The following PKD1L3 variants were observed in gnomAD, a reference collection of about 807,000 sequenced individuals.
PKD1L3 encodes polycystin-1-like protein 3.
A neutral mutation model predicts 184.1 loss-of-function variants in PKD1L3; 239 were observed. That is an observed-to-expected ratio of 1.30 (90% CI 1.17 to 1.45). The LOEUF (loss-of-function observed/expected upper bound fraction) is 1.45, where lower values mean the gene tolerates loss of function less well. Ranked by LOEUF, PKD1L3 falls within the 40% of genes most tolerant of loss-of-function variation. PKD1L3 has a pLI of 0.00. For synonymous variants in PKD1L3, 996 were observed against 778.8 expected (o/e 1.28, Z -4.64); for missense variants, 2,660 against 2,067.2 (o/e 1.29, Z -5.56).
chr16:71,992,201 C>T (rs974558046), intron 3 of PKD1L3, among the ~76,000 whole-genome samples: 1 of 152,104 alleles, frequency 6.6e-6, no homozygotes, highest in South Asian at 2.1e-4. Context: ...AAGGACCCTA[C>T]GTACATAAAT....
chr16:71,953,478 GGCATTACAAA>G (rs1276374972), intron 17 of PKD1L3, among the ~76,000 whole-genome samples: 12 of 150,234 alleles, frequency 8.0e-5, no homozygotes, highest in Non-Finnish European at 2.9e-5. Flanking sequence ...AACCTTACAT[GGCATTACAAA>G]GCATTACAAA....
chr16:71,939,619 C>A (rs1015657959), intron 24 of PKD1L3, among the ~76,000 whole-genome samples: 2 of 152,068 alleles, frequency 1.3e-5, no homozygotes, highest in Admixed American at 6.6e-5. Flanking sequence ...CCATGAAGAC[C>A]CTTAGGAAGC....
chr16:71,999,580 T>C (rs925559166), intron 1 of PKD1L3, 104 bp downstream of exon 1: 1 of 1,159,788 alleles, frequency 8.6e-7, no homozygotes, highest in African/African-American at 1.6e-5. Flanking sequence ...TGACTGGTTT[T>C]TCTGTCTACA....
At chr16:71,992,381 G>A (rs2040621726) in intron 3 of PKD1L3, among the ~76,000 whole-genome samples, 1 of 152,146 alleles carries the variant, frequency 6.6e-6, no homozygotes, top group Non-Finnish European at 1.5e-5. Flanking sequence ...GTTTTACTAT[G>A]ACACTTAAAG....
At chr16:71,945,305 TACACACAC>T (rs377392088) in intron 22 of PKD1L3, among the ~76,000 whole-genome samples, 3 of 59,406 alleles carry the variant, frequency 5.0e-5, no homozygotes, top group South Asian at 6.7e-4. Context: ...TATATATATA[TACACACAC>T]ACACACACAT....
At chr16:71,954,995 G>A (rs1287953584) in intron 16 of PKD1L3, among the ~76,000 whole-genome samples, 2 of 151,912 alleles carry the variant, frequency 1.3e-5, no homozygotes, top group African/African-American at 4.8e-5. Flanking sequence ...GGATACTTGA[G>A]AACAAAAAAA....
At chr16:71,999,250 G>A (rs1319667233) in intron 1 of PKD1L3, among the ~76,000 whole-genome samples, 15 of 142,136 alleles carry the variant, frequency 1.1e-4, no homozygotes, top group African/African-American at 1.8e-4. Context: ...CAGCCTGGGC[G>A]ACAGAGCGAG....
chr16:71,947,550 C>G lies in PKD1L3; in HGVS notation c.3660G>C (p.Arg1220Ser). 6.5e-7 allele frequency: 1 copy of G among 1,548,108 alleles called. No individual in the cohort carries two copies. The highest frequency in any genetic ancestry group is 8.7e-7 in the Non-Finnish European group (1 of 1,143,926). ...CATTCTCTTTGTTAAGCCGTGGCAT[C>G]CTGCTCATCATCAGTGAGTATAAGA... ...FTFLYSLMMS[R>S]MPRLNKENEQ... Residue 1220 changes from arginine (R) to serine (S), a missense_variant, in exon 22 of 30, where the codon AGG (arginine) becomes AGC (serine). Transcript: ENST00000620267.
chr16:71,934,695 G>GAGCCCCACAGA (rs572725673), intron 26 of PKD1L3, among the ~76,000 whole-genome samples: 266 of 152,288 alleles, frequency 1.7e-3, no homozygotes, highest in African/African-American at 6.0e-3. Context: ...TACTTGGAAG[G>GAGCCCCACAGA]AGCCCCACAG....
chr16:71,969,440 G>A (rs2039626159), intron 13 of PKD1L3, among the ~76,000 whole-genome samples: 1 of 150,060 alleles, frequency 6.7e-6, no homozygotes, highest in African/African-American at 2.5e-5. Flanking sequence ...CAAGTAGCTG[G>A]GACTACAAGC....
chr16:71,933,708 A>G (rs1006671154), intron 27 of PKD1L3, among the ~76,000 whole-genome samples, 187 bp from the exon 28 acceptor site: 3 of 152,190 alleles, frequency 2.0e-5, no homozygotes, highest in Admixed American at 2.0e-4. Flanking sequence ...TTTGACCTTT[A>G]TATTACCGTG....
At chr16:71,959,739 A>G (rs4788585) in intron 16 of PKD1L3, among the ~76,000 whole-genome samples, 118,645 of 152,118 alleles carry the variant, frequency 0.78, 46,517 homozygotes, top group East Asian at 0.97. Context: ...AAGAGGAAGA[A>G]GAGGAACAGA....
chr16:71,930,283 G>C, intron 28 of PKD1L3, 100 bp from the exon 29 acceptor site: 1 of 1,258,974 alleles, frequency 7.9e-7, no homozygotes, highest in South Asian at 2.4e-5. Context: ...CAGAAGAAAA[G>C]CTTATCCGAA....
At chr16:71,998,643 G>T (rs1020502870) in intron 1 of PKD1L3, among the ~76,000 whole-genome samples, 2 of 152,024 alleles carry the variant, frequency 1.3e-5, no homozygotes, top group Non-Finnish European at 2.9e-5. Context: ...TAGAGATGGG[G>T]TTTCACCATG....
At chr16:71,988,382 A>G (rs2040457052) in intron 4 of PKD1L3, among the ~76,000 whole-genome samples, 1 of 152,206 alleles carries the variant, frequency 6.6e-6, no homozygotes, top group South Asian at 2.1e-4. Flanking sequence ...TTTAGTAGAG[A>G]TGGGGTTTCG....
At position 71,937,352 on chromosome 16, in the gene PKD1L3, GAC is replaced by G; in HGVS notation, c.4390_4391del (p.Val1464LeufsTer47). The G allele has an allele frequency of 6.4e-7, 1 of 1,551,658 alleles. No homozygotes were observed. Among genetic ancestry groups the G allele is most frequent in the East Asian group, 2.4e-5 (1 of 40,926 alleles). On this transcript the variant is annotated frameshift_variant, in exon 25 of 30. Coordinates refer to ENST00000620267, the MANE Select transcript of PKD1L3 (RefSeq NM_181536.2). LOFTEE classifies it high-confidence loss of function. ...AGATGACTTGTGAGATGATAGACCA[GAC>G]ACAGCCCTTCTTTGACATCTGAAGG... The part of the protein sequence containing the change: ...TSLQMSKKGC[V>X]WSIISQVIYY...
intron 15 of PKD1L3, among the ~76,000 whole-genome samples, chr16:71,964,010 A>G (rs2039393692): frequency 6.6e-6 from 1 of 152,070 alleles, no homozygotes; most frequent in African/African-American, 2.4e-5. Flanking sequence ...TGTAGTCTTT[A>G]TCATTTACAT....
At chr16:71,944,320 T>C (rs1451552009) in intron 22 of PKD1L3, 150 bp from the exon 23 acceptor site, 1 of 785,714 alleles carries the variant, frequency 1.3e-6, no homozygotes, top group Non-Finnish European at 2.0e-6. Context: ...CTCTCTATTA[T>C]AAAGGACCTG....
At chr16:71,978,101 G>T (rs914422855) in intron 10 of PKD1L3, among the ~76,000 whole-genome samples, 154 bp downstream of exon 10, 1 of 152,132 alleles carries the variant, frequency 6.6e-6, no homozygotes, top group South Asian at 2.1e-4. Context: ...TAAGGATAAG[G>T]TGTATCTCTT....
Sources: gnomAD v4.1 joint callset for allele counts (sites outside exome capture counted in the v4.1 genomes callset) on GRCh38, gnomAD v4.1.1 for gene constraint, MANE v1.5 for transcripts, NCBI Gene and HGNC (gene_info 2026-07-23, HGNC 2026-07-21) for gene names.